The following LRMDA variants were observed in gnomAD, a reference collection of about 807,000 sequenced individuals.
LRMDA encodes the protein leucine-rich melanocyte differentiation-associated protein.
A neutral mutation model predicts 29.8 loss-of-function variants in LRMDA; 18 were observed. That is an observed-to-expected ratio of 0.60 (90% CI 0.42 to 0.90). The LOEUF is 0.90. LRMDA is among the 40% of genes least tolerant of loss of function. LRMDA has a pLI of 0.00. For missense variants in LRMDA, 273 were observed against 273.9 expected (o/e 1.00, Z 0.02); for synonymous variants, 125 against 109.4 (o/e 1.14, Z -0.89).
intron 6 of LRMDA, among the ~76,000 whole-genome samples, chr10:76,365,107 T>TATATATATATATATACACACACACAC (rs141131236): frequency 3.3e-5 from 2 of 61,202 alleles, no homozygotes; most frequent in Admixed American, 1.8e-4. Flanking sequence ...TATATATATA[T>TATATATATATATATACACACACACAC]ACACACACAC....
chr10:76,162,779 C>G (rs984827421), intron 5 of LRMDA, among the ~76,000 whole-genome samples: 1 of 152,096 alleles, frequency 6.6e-6, no homozygotes, highest in Non-Finnish European at 1.5e-5. Context: ...GGGGAGGACA[C>G]GCATCCAAAC....
chr10:75,846,666 T>TGTGGA (rs1339742932), intron 2 of LRMDA, among the ~76,000 whole-genome samples: 9 of 152,244 alleles, frequency 5.9e-5, no homozygotes, highest in African/African-American at 2.2e-4. Flanking sequence ...CCATATTAAG[T>TGTGGA]GTGGAGTGTA....
At chr10:75,733,465 A>AGTTTATCTCCT in intron 2 of LRMDA, among the ~76,000 whole-genome samples, 1 of 152,242 alleles carries the variant, frequency 6.6e-6, no homozygotes, top group South Asian at 2.1e-4. Context: ...TTCTGTAAAC[A>AGTTTATCTCCT]TGCCCTTTAT....
At chr10:75,778,266 C>A (rs1267364017) in intron 2 of LRMDA, among the ~76,000 whole-genome samples, 1 of 152,014 alleles carries the variant, frequency 6.6e-6, no homozygotes, top group African/African-American at 2.4e-5. Flanking sequence ...TTAGTAGGGA[C>A]GGGGTTCCAC....
intron 2 of LRMDA, among the ~76,000 whole-genome samples, chr10:75,627,353 C>T (rs938019287): frequency 4.6e-5 from 7 of 152,184 alleles, no homozygotes; most frequent in Non-Finnish European, 8.8e-5. Context: ...GAAACTGTCT[C>T]CCCTATAACA....
At chr10:76,148,283 G>A (rs867084820) in intron 5 of LRMDA, among the ~76,000 whole-genome samples, 2 of 152,212 alleles carry the variant, frequency 1.3e-5, no homozygotes, top group Admixed American at 6.5e-5. Flanking sequence ...TGCCCCCAGA[G>A]GTGGAGCCTA....
At chr10:75,839,747 T>C (rs1844504062) in intron 2 of LRMDA, among the ~76,000 whole-genome samples, 1 of 148,364 alleles carries the variant, frequency 6.7e-6, no homozygotes, top group Non-Finnish European at 1.5e-5. Context: ...CTTGCTCTGT[T>C]GCCCAGGCTG....
chr10:75,559,480 G>A (rs1303438920), intron 2 of LRMDA, among the ~76,000 whole-genome samples: 3 of 151,484 alleles, frequency 2.0e-5, no homozygotes, highest in African/African-American at 7.3e-5. Flanking sequence ...CATTTTGTAG[G>A]TTGCCTGTTC....
chr10:76,438,044 C>G (rs1442536035), intron 6 of LRMDA, among the ~76,000 whole-genome samples: 3 of 152,192 alleles, frequency 2.0e-5, no homozygotes, highest in African/African-American at 7.2e-5. Context: ...TAGTGTGAAA[C>G]AGAAGTGTCC....
intron 2 of LRMDA, among the ~76,000 whole-genome samples, chr10:75,694,533 C>G (rs1447605723): frequency 6.6e-6 from 1 of 152,058 alleles, no homozygotes; most frequent in Non-Finnish European, 1.5e-5. Context: ...CAGCATGTTG[C>G]CAACTTTCAC....
chr10:75,632,076 C>T (rs1459133543), intron 2 of LRMDA, among the ~76,000 whole-genome samples: 1 of 152,238 alleles, frequency 6.6e-6, no homozygotes, highest in African/African-American at 2.4e-5. Context: ...AACCTTTATA[C>T]TTCTGCTCTT....
At chr10:75,751,484 C>T (rs1387539910) in intron 2 of LRMDA, among the ~76,000 whole-genome samples, 1 of 152,166 alleles carries the variant, frequency 6.6e-6, no homozygotes, top group Non-Finnish European at 1.5e-5. Flanking sequence ...TTTCAGTTAT[C>T]TTACATCAAA....
chr10:75,973,514 G>C (rs1020443679), intron 2 of LRMDA, among the ~76,000 whole-genome samples: 9 of 151,792 alleles, frequency 5.9e-5, no homozygotes, highest in Admixed American at 4.6e-4. Flanking sequence ...CACCTCCTGG[G>C]TTCAAGCGAT....
At chr10:75,436,824 T>C (rs1204674757) in intron 1 of LRMDA, among the ~76,000 whole-genome samples, 1 of 152,114 alleles carries the variant, frequency 6.6e-6, no homozygotes, top group Admixed American at 6.5e-5. Flanking sequence ...CCAGATAGAA[T>C]AGGGCCTTAT....
At chr10:75,857,502 G>T (rs1589230822) in intron 2 of LRMDA, among the ~76,000 whole-genome samples, 1 of 152,338 alleles carries the variant, frequency 6.6e-6, no homozygotes, top group East Asian at 1.9e-4. Flanking sequence ...AGCTGAATTT[G>T]CTGTTTGCTC....
chr10:76,317,557 C>T (rs995135067), intron 5 of LRMDA, among the ~76,000 whole-genome samples: 45 of 152,264 alleles, frequency 3.0e-4, no homozygotes, highest in African/African-American at 1.0e-3. Context: ...CATCCTTAAT[C>T]ACATTGCTAG....
chr10:75,434,025 G>A (rs74399994), intron 1 of LRMDA, among the ~76,000 whole-genome samples: 74 of 152,238 alleles, frequency 4.9e-4, no homozygotes, highest in South Asian at 4.4e-3. Context: ...TCTGCAAAAG[G>A]CTTTTCATTT....
intron 2 of LRMDA, among the ~76,000 whole-genome samples, chr10:75,628,461 GTCTA>G (rs1292008901): frequency 6.6e-6 from 1 of 152,140 alleles, no homozygotes; most frequent in African/African-American, 2.4e-5. Context: ...TTTTCTGCTG[GTCTA>G]TGTACTATTC....
intron 5 of LRMDA, among the ~76,000 whole-genome samples, chr10:76,174,679 A>G (rs182991605): frequency 1.7e-4 from 26 of 152,316 alleles, no homozygotes; most frequent in African/African-American, 6.0e-4. Flanking sequence ...AGAGGGTAGC[A>G]ACAATCTAGG....
Sources: allele counts gnomAD v4.1 joint callset (sites outside exome capture counted in the v4.1 genomes callset), GRCh38; gene constraint gnomAD v4.1.1; transcripts MANE v1.5; gene names NCBI Gene and HGNC (gene_info 2026-07-23, HGNC 2026-07-21).